Variants in PPP1R12B observed in about 807,000 individuals in gnomAD.
PPP1R12B encodes myosin phosphatase target subunit 2.
PPP1R12B carries 76 observed loss-of-function variants against 126.1 expected under a neutral mutation model. That is an observed-to-expected ratio of 0.60 (90% CI 0.50 to 0.73). The LOEUF (loss-of-function observed/expected upper bound fraction) is 0.73. Among genes scored for constraint, PPP1R12B ranks in the 30% least tolerant of loss-of-function variants. The pLI is 0.00. For missense variants in PPP1R12B, 1,052 were observed against 1,205.1 expected, an observed-to-expected ratio of 0.87 and a Z score of 1.88; for synonymous variants, 356 against 434.7, an observed-to-expected ratio of 0.82 and a Z score of 2.25.
In PPP1R12B at chr1:202,495,550, T is replaced by G. The variant is rs769547969; in HGVS notation, c.2336-20T>G. On this transcript the variant is annotated intron_variant, in intron 16 of 23. Transcript: ENST00000608999. The stretch of plus-strand genomic sequence containing the variant: ...ATCCCCAGATTCTTAAAGTTCATAC[T>G]TTATTTTATCTCTGGCCAGAGAATG... 3 of 1,610,484 alleles carry G rather than the reference T, an allele frequency of 1.9e-6. No individual in the cohort carries two copies. The highest frequency in any genetic ancestry group is 1.1e-5 in the South Asian group (1 of 91,024).
At chr1:202,429,932 A>G (rs1173858832) in intron 6 of PPP1R12B, among the ~76,000 whole-genome samples, 1 of 152,216 alleles carries the variant, frequency 6.6e-6, no homozygotes, top group African/African-American at 2.4e-5. Context: ...GAAAAGTCAC[A>G]TACATAAAAC....
chr1:202,580,666 A>G lies in PPP1R12B; in HGVS notation c.*106A>G, dbSNP rs1558401177. 3 of 913,520 alleles carry G rather than the reference A, an allele frequency of 3.3e-6. No homozygotes were observed. The South Asian group carries it at 4.3e-5, about 13-fold the overall frequency. 56.6% of individuals were successfully genotyped at this position (913,520 alleles called of 1,614,324 possible). ...CAAAAGAAATGGATGTTTTGGTGGA[A>G]GGACACTTCTTTCTATCACCCTCTT... On this transcript the variant is annotated 3_prime_UTR_variant, in exon 24 of 24. Transcript: ENST00000608999.
rs201441809 is a variant in PPP1R12B, at chr1:202,561,231, TAAG to T, written c.2508-1543_2508-1541del. Among the ~76,000 whole-genome samples, 715 of 152,272 alleles carry T rather than the reference TAAG, an allele frequency of 4.7e-3. 3 individuals are homozygous for T. Among genetic ancestry groups the T allele is most frequent in the African/African-American group, 0.016 (677 of 41,582 alleles). ...TATTTCTGTCATAAGAAATATTTCA[TAAG>T]AAGGTAACTGGACAAAGGCACTAAG... On this transcript the variant is annotated intron_variant, in intron 19 of 23. Coordinates refer to ENST00000608999, the MANE Select transcript of PPP1R12B (RefSeq NM_002481.4).
intron 1 of PPP1R12B, among the ~76,000 whole-genome samples, chr1:202,367,116 A>C (rs2148432228): frequency 6.6e-6 from 1 of 152,334 alleles, no homozygotes; most frequent in East Asian, 1.9e-4. Context: ...TTTTATTCAG[A>C]AGATCTTTAC....
At chr1:202,548,776 GTCTCTCTCTCTC>G (rs1196499777) in intron 18 of PPP1R12B, among the ~76,000 whole-genome samples, 2 of 98,930 alleles carry the variant, frequency 2.0e-5, no homozygotes, top group East Asian at 3.1e-4. Context: ...CTCGCTCGCT[GTCTCTCTCTCTC>G]TCTCTCTCTC....
intron 15 of PPP1R12B, 40 bp from the exon 16 acceptor site, chr1:202,495,253 G>A (rs748663320): frequency 2.7e-6 from 4 of 1,495,924 alleles, no homozygotes; most frequent in Non-Finnish European, 3.6e-6. Flanking sequence ...TCTTTAGATG[G>A]ACTTGATTTC....
chr1:202,534,205 C>T (rs1425117301), intron 18 of PPP1R12B, among the ~76,000 whole-genome samples: 2 of 152,078 alleles, frequency 1.3e-5, no homozygotes, highest in Non-Finnish European at 2.9e-5. Context: ...TTTAAGCAGG[C>T]TTCTGTGTCC....
chr1:202,516,405 G>C (rs976825792), intron 18 of PPP1R12B, among the ~76,000 whole-genome samples: 1 of 152,186 alleles, frequency 6.6e-6, no homozygotes, highest in Non-Finnish European at 1.5e-5. Context: ...ATCACATCCA[G>C]TAGTTTGAGA....
rs560013760 is a variant in PPP1R12B, at chr1:202,512,563, A to G, written c.2490+15741A>G. Among the ~76,000 whole-genome samples, 5 of 152,326 alleles carry G rather than the reference A, an allele frequency of 3.3e-5. No homozygotes were observed. The South Asian group carries it at 6.2e-4, about 19-fold the overall frequency. On this transcript the variant is annotated intron_variant, in intron 18 of 23. Coordinates refer to ENST00000608999, the MANE Select transcript of PPP1R12B (RefSeq NM_002481.4). ...CTCTCTGAGCTCTGAAAGTTCTTTA[A>G]TCTGTAAAAATGAGATTATTATCCT...
At position 202,493,325 on chromosome 1, in the gene PPP1R12B, C is replaced by A. The variant is rs529697608; in HGVS notation, c.2145+8C>A. ...AGGAGTCTGGATGAAGAGGTGAGCT[C>A]ATTTTTGCTGGCATGTACTGTGCTA... On this transcript the variant is annotated splice_region_variant and intron_variant, in intron 15 of 23. Coordinates refer to ENST00000608999, the MANE Select transcript of PPP1R12B (RefSeq NM_002481.4). 178 of 1,610,444 alleles carry A rather than the reference C, an allele frequency of 1.1e-4. No homozygotes were observed. The South Asian group carries it at 1.9e-3, about 17-fold the overall frequency.
In PPP1R12B at chr1:202,588,207, A is replaced by G. The variant is rs1228362948; in HGVS notation, c.*7647A>G. The G allele has an allele frequency of 6.6e-6, 1 of 152,562 alleles. No individual in the cohort carries two copies. Among genetic ancestry groups the G allele is most frequent in the African/African-American group, 2.4e-5 (1 of 41,422 alleles). 9.5% of individuals were successfully genotyped at this position (152,562 alleles called of 1,614,324 possible). A position where few individuals can be genotyped will look rare whatever the true frequency, so the allele number is the denominator to read the frequency against. ...ATGCCTCTCCCATTTTAGTGGTAGC[A>G]TTTTGTGTCTTTACTCCACCCTTCA... On this transcript the variant is annotated 3_prime_UTR_variant, in exon 24 of 24. Transcript: ENST00000608999.
intron 19 of PPP1R12B, among the ~76,000 whole-genome samples, chr1:202,560,769 C>T (rs1187611794): frequency 6.6e-6 from 1 of 152,094 alleles, no homozygotes; most frequent in African/African-American, 2.4e-5. Flanking sequence ...TGCTGTGGTT[C>T]AAATGTCTCT....
rs1013349514 is a variant in PPP1R12B at position 202,589,286 on chromosome 1, G to A, written c.*8726G>A. 3.3e-5 allele frequency: 5 copies of A among 152,188 alleles called. No homozygotes were observed. Among genetic ancestry groups the A allele is most frequent in the African/African-American group, 1.2e-4 (5 of 41,430 alleles). The allele number at this position is 152,188 out of a possible 1,614,324, so 9.4% of individuals were successfully genotyped here. ...CCCCAGGCAGCCAGGATCTGGGTCT[G>A]GTTTCTCCATCCAGCAAGCCCTGCC... On this transcript the variant is annotated 3_prime_UTR_variant, in exon 24 of 24. Transcript: ENST00000608999.
Position 202,583,841 on chromosome 1 carries a change from C to T in PPP1R12B, c.*3281C>T, listed in dbSNP as rs1329291885. On this transcript the variant is annotated 3_prime_UTR_variant, in exon 24 of 24. Coordinates refer to ENST00000608999, the MANE Select transcript of PPP1R12B (RefSeq NM_002481.4). ...AACAACATGGGGCTCAGGTCTGTCA[C>T]TTAACTTAGAGTCTTTACATGAAAT... The T allele has an allele frequency of 6.6e-6, 1 of 152,232 alleles. No homozygotes were observed. The highest frequency in any genetic ancestry group is 2.4e-5 in the African/African-American group (1 of 41,466). The allele number at this position is 152,232 out of a possible 1,614,324, so 9.4% of individuals were successfully genotyped here. A position where few individuals can be genotyped will look rare whatever the true frequency, so the allele number is the denominator to read the frequency against.
chr1:202,549,734 A>T (rs541962605), intron 18 of PPP1R12B, among the ~76,000 whole-genome samples: 1 of 151,816 alleles, frequency 6.6e-6, no homozygotes, highest in African/African-American at 2.4e-5. Context: ...CTTGAATTAC[A>T]CTCTGTTTTA....
chr1:202,537,956 T>C (rs1029980166), intron 18 of PPP1R12B, among the ~76,000 whole-genome samples: 1 of 152,352 alleles, frequency 6.6e-6, no homozygotes, highest in African/African-American at 2.4e-5. Context: ...ATATAAGATC[T>C]GAATTCCCAA....
intron 13 of PPP1R12B, among the ~76,000 whole-genome samples, chr1:202,471,151 T>G: frequency 6.6e-6 from 1 of 152,206 alleles, no homozygotes; most frequent in East Asian, 1.9e-4. Flanking sequence ...TTCATTTGCA[T>G]ACTTATATAA....
At chr1:202,548,008 G>A (rs1685828325) in intron 18 of PPP1R12B, among the ~76,000 whole-genome samples, 1 of 152,170 alleles carries the variant, frequency 6.6e-6, no homozygotes, top group African/African-American at 2.4e-5. Context: ...TACATTTATT[G>A]TCTCATTTAA....
chr1:202,575,855 G>A (rs1359428861), intron 23 of PPP1R12B: 1 of 152,270 alleles, frequency 6.6e-6, no homozygotes, highest in East Asian at 1.9e-4. Flanking sequence ...CCTCACGGCT[G>A]ACAACATTAC....
Sources: allele counts gnomAD v4.1 joint callset (sites outside exome capture counted in the v4.1 genomes callset), GRCh38; gene constraint gnomAD v4.1.1; transcripts MANE v1.5; gene names NCBI Gene and HGNC (gene_info 2026-07-23, HGNC 2026-07-21).